DPM1: variants seen among roughly 807,000 people sequenced by gnomAD.
DPM1 encodes the protein dolichyl-phosphate mannosyltransferase subunit 1, catalytic, also known as dolichol-phosphate mannosyltransferase subunit 1.
DPM1 carries 27 observed loss-of-function variants against 39.0 expected under a neutral mutation model. The observed-to-expected ratio is 0.69, with a 90% CI of 0.51 to 0.95. The LOEUF (loss-of-function observed/expected upper bound fraction) is 0.95, where lower values mean the gene tolerates loss of function less well. Among genes scored for constraint, DPM1 ranks in the 40% least tolerant of loss-of-function variants. The pLI is 0.00. For synonymous variants in DPM1, 124 were observed against 109.0 expected, an observed-to-expected ratio of 1.14 and a Z score of -0.86; for missense variants, 307 against 315.6, an observed-to-expected ratio of 0.97 and a Z score of 0.21.
In DPM1 at chr20:50,945,683, GTAAGA is replaced by G. The variant is rs142551265; in HGVS notation, c.398+49_398+53del. The G allele has an allele frequency of 4.4e-5, 63 of 1,427,914 alleles. No individual in the cohort carries two copies. In the African/African-American group the frequency reaches 6.9e-4, roughly 16 times the overall value. The allele number at this position is 1,427,914 out of a possible 1,614,324, so 88.5% of individuals were successfully genotyped here. On this transcript the variant is annotated intron_variant, in intron 5 of 8. Coordinates refer to ENST00000371588, the MANE Select transcript of DPM1 (RefSeq NM_003859.3). ...AAAAATGAAAATAAGCCCAAAACCA[GTAAGA>G]TAAATGTTTCCAGTCATATTTCTTT...
At chr20:50,958,102 A>G (rs1986931196) in intron 1 of DPM1, among the ~76,000 whole-genome samples, 1 of 152,220 alleles carries the variant, frequency 6.6e-6, no homozygotes, top group Non-Finnish European at 1.5e-5. Context: ...CTTTCTACGG[A>G]AAGGCGGGGG....
chr20:50,938,381 A>T (rs999439458), intron 7 of DPM1, among the ~76,000 whole-genome samples: 2 of 150,414 alleles, frequency 1.3e-5, no homozygotes, highest in South Asian at 4.2e-4. Flanking sequence ...TTTAACTATT[A>T]AAAAAAATTT....
chr20:50,940,967 A>C, intron 6 of DPM1, 34 bp from the exon 7 acceptor site: 1 of 1,601,570 alleles, frequency 6.2e-7, no homozygotes, highest in Non-Finnish European at 8.6e-7. Context: ...TTCTTTACAA[A>C]ATACAATTTA....
chr20:50,946,800 G>C (rs1173653485), intron 3 of DPM1, among the ~76,000 whole-genome samples: 1 of 152,218 alleles, frequency 6.6e-6, no homozygotes, highest in Admixed American at 6.5e-5. Context: ...GGCTGGGTGT[G>C]GTGGCTCATG....
intron 5 of DPM1, among the ~76,000 whole-genome samples, chr20:50,945,416 C>T (rs1986219269): frequency 6.6e-6 from 1 of 152,108 alleles, no homozygotes; most frequent in Non-Finnish European, 1.5e-5. Context: ...TCATAGCTCA[C>T]TGCAGCCTTG....
chr20:50,943,327 C>G (rs1405901451), intron 5 of DPM1, among the ~76,000 whole-genome samples: 1 of 152,160 alleles, frequency 6.6e-6, no homozygotes, highest in Non-Finnish European at 1.5e-5. Flanking sequence ...CCCTCTCAAC[C>G]ACAATAAACA....
intron 5 of DPM1, 125 bp from the exon 6 acceptor site, chr20:50,942,251 C>A: frequency 2.4e-6 from 2 of 835,338 alleles, no homozygotes; most frequent in Non-Finnish European, 4.0e-6. Flanking sequence ...CTCACGCCTG[C>A]AATCCTAGCA....
chr20:50,935,190 C>G lies in DPM1; in HGVS notation c.725G>C (p.Gly242Ala). The G allele has an allele frequency of 6.2e-7, 1 of 1,611,232 alleles. No individual in the cohort carries two copies. Residue 242 changes from glycine to alanine, a missense_variant, in exon 9 of 9, where the codon GGA becomes GCA. Gly to Ala is a moderately conservative substitution (Grantham distance 60). Coordinates refer to ENST00000371588, the MANE Select transcript of DPM1 (RefSeq NM_003859.3). ...VDRVYGESKL[G>A]GNEIVSFLKG... ...CAAGAAAGATACTATTTCATTTCCTCCCAACTTGGATTCACCATAAACACG... is the reference window on the plus strand; with the variant it reads ...CAAGAAAGATACTATTTCATTTCCTGCCAACTTGGATTCACCATAAACACG...
intron 2 of DPM1, among the ~76,000 whole-genome samples, chr20:50,951,564 A>C (rs1188507780): frequency 6.6e-6 from 1 of 152,158 alleles, no homozygotes; most frequent in Non-Finnish European, 1.5e-5. Context: ...TGAGGTGGGC[A>C]GATCACCTGA....
At position 50,942,069 on chromosome 20, in the gene DPM1, T is replaced by C. The variant is rs370598866; in HGVS notation, c.456A>G (p.Gly152=). 86 of 1,614,006 alleles carry C rather than the reference T, an allele frequency of 5.3e-5. No individual in the cohort carries two copies. The highest frequency in any genetic ancestry group is 6.7e-5 in the Non-Finnish European group (79 of 1,179,992). Residue 152 remains glycine (G), a synonymous_variant, in exon 6 of 9, where the codon GGA becomes GGG. Coordinates refer to ENST00000371588, the MANE Select transcript of DPM1 (RefSeq NM_003859.3). The part of the protein sequence containing the change: ...IVSGTRYKGN[G]GVYGWDLKRK... ...TTTTCAAATCCCAGCCATATACACC[T>C]CCATTTCCTTTGTAGCGAGTTCCAG... is the stretch of plus-strand genomic sequence containing the variant.
Position 50,935,214 on chromosome 20 carries a change from C to G in DPM1, c.701G>C (p.Arg234Pro). 1 of 1,606,738 alleles carries G rather than the reference C, an allele frequency of 6.2e-7. No homozygotes were observed. The highest frequency in any genetic ancestry group is 8.5e-7 in the Non-Finnish European group (1 of 1,175,622). ...TCCCAACTTGGATTCACCATAAACA[C>G]GATCCACAAATGATATTGGAACCTA... ...IGEVPISFVD[R>P]VYGESKLGGN... The change falls in exon 9 of 9, where the codon CGT becomes CCT. Residue 234 changes from arginine (R) to proline (P), a missense_variant. This residue lies in a region of DPM1 where 70 missense variants were observed against 69.4 expected (regional missense o/e 1.01). Coordinates refer to ENST00000371588, the MANE Select transcript of DPM1 (RefSeq NM_003859.3).
intron 7 of DPM1, among the ~76,000 whole-genome samples, chr20:50,936,607 A>G (rs1221277810): frequency 6.6e-6 from 1 of 152,260 alleles, no homozygotes; most frequent in Non-Finnish European, 1.5e-5. Context: ...TTTAAAGTTG[A>G]AAGAAACTGT....
Position 50,948,679 on chromosome 20 carries a change from T to C in DPM1, c.262-17A>G, listed in dbSNP as rs1201572401. 1.2e-6 allele frequency: 2 copies of C among 1,611,994 alleles called. No homozygotes were observed. The highest frequency in any genetic ancestry group is 1.7e-6 in the Non-Finnish European group (2 of 1,178,240). ...TCTTAGAAGCTGTAGGAATAAGAAA[T>C]AGCATTTTACACACAGAAACAGAAA... is the stretch of plus-strand genomic sequence containing the variant. On this transcript the variant is annotated splice_polypyrimidine_tract_variant and intron_variant, in intron 2 of 8. Transcript: ENST00000371588.
Position 50,952,973 on chromosome 20 carries a change from G to A in DPM1, c.261+2213C>T, listed in dbSNP as rs181684409. Among the ~76,000 whole-genome samples, 81 of 152,306 alleles carry A rather than the reference G, an allele frequency of 5.3e-4. 1 individual carries two copies. The highest frequency in any genetic ancestry group is 3.4e-3 in the Middle Eastern group (1 of 294). ...CATCACTGTCAACTTGCCCCCAAGG[G>A]TAACTACGTGAGGTGATGGACAGGT... On this transcript the variant is annotated intron_variant, in intron 2 of 8. Coordinates refer to ENST00000371588, the MANE Select transcript of DPM1 (RefSeq NM_003859.3).
chr20:50,952,396 AT>A (rs894757982), intron 2 of DPM1, among the ~76,000 whole-genome samples: 1 of 152,242 alleles, frequency 6.6e-6, no homozygotes, highest in African/African-American at 2.4e-5. Context: ...GGCATTAAGG[AT>A]TTTTGAGGGT....
At chr20:50,948,687 T>A in intron 2 of DPM1, 25 bp from the exon 3 acceptor site, 1 of 1,607,930 alleles carries the variant, frequency 6.2e-7, no homozygotes, top group Non-Finnish European at 8.5e-7. Flanking sequence ...AATAGCATTT[T>A]ACACACAGAA....
chr20:50,951,445 A>G (rs528971595), intron 2 of DPM1, among the ~76,000 whole-genome samples: 170 of 152,320 alleles, frequency 1.1e-3, no homozygotes, highest in Admixed American at 3.3e-3. Flanking sequence ...AAAACGCACC[A>G]AACTGTTGAC....
intron 6 of DPM1, 24 bp downstream of exon 6, chr20:50,942,004 TAAA>T: frequency 6.4e-7 from 1 of 1,558,100 alleles, no homozygotes; most frequent in Non-Finnish European, 8.9e-7. Flanking sequence ...GTTATACTAA[TAAA>T]GAAGTTGTAA....
intron 2 of DPM1, among the ~76,000 whole-genome samples, chr20:50,951,719 CAG>C (rs1187005980): frequency 1.3e-5 from 2 of 151,748 alleles, no homozygotes; most frequent in Non-Finnish European, 2.9e-5. Context: ...ACCCAGGAGG[CAG>C]AGTGTGCAGT....
Sources: gnomAD v4.1 joint callset for allele counts (sites outside exome capture counted in the v4.1 genomes callset) on GRCh38, gnomAD v4.1.1 for gene constraint, gnomAD v4.1.1 regional missense constraint, MANE v1.5 for transcripts, NCBI Gene and HGNC (gene_info 2026-07-23, HGNC 2026-07-21) for gene names.